The following ZNF469 variants were observed in gnomAD, a reference collection of about 807,000 sequenced individuals.
The protein encoded by ZNF469 is zinc finger protein 469.
A neutral mutation model predicts 1.0 loss-of-function variants in ZNF469; 1 was observed. That is an observed-to-expected ratio of 1.00 (90% CI 0.35 to 4.73). ZNF469 has a LOEUF of 4.73. Among genes scored for constraint, ZNF469 ranks in the 30% most tolerant of loss-of-function variants. The probability of loss-of-function intolerance (pLI) is 0.16; values close to 1 mark genes in which losing one functional copy is unlikely to be tolerated. For missense variants in ZNF469, 6,100 were observed against 5,356.3 expected (o/e 1.14, Z -4.33); for synonymous variants, 2,703 against 2,363.4 (o/e 1.14, Z -4.17).
At chr16:88,171,306 T>C in the ZNF469 span, among the ~76,000 whole-genome samples, 1 of 152,154 alleles carries the variant, frequency 6.6e-6, no homozygotes, top group Non-Finnish European at 1.5e-5. Flanking sequence ...CAGGAGCATG[T>C]TGAGAATTCG....
chr16:88,259,332 T>TA, the ZNF469 span, among the ~76,000 whole-genome samples: 1 of 147,284 alleles, frequency 6.8e-6, no homozygotes, highest in Non-Finnish European at 1.5e-5. The surrounding 1 kb of genome is among the most constrained non-coding windows in gnomAD (Gnocchi z 4.1). Flanking sequence ...CTCAGCCGCA[T>TA]CCCGCGCCCC....
At chr16:88,367,081 A>G in the ZNF469 span, among the ~76,000 whole-genome samples, 5 of 152,182 alleles carry the variant, frequency 3.3e-5, no homozygotes, top group Non-Finnish European at 7.3e-5. Context: ...GGCAAGATCC[A>G]TGTCTTCCCC....
At chr16:88,245,135 G>A in the ZNF469 span, among the ~76,000 whole-genome samples, 1 of 152,256 alleles carries the variant, frequency 6.6e-6, no homozygotes, top group Middle Eastern at 3.4e-3. Flanking sequence ...TATGAGGGAG[G>A]GGAGGAAAGA....
chr16:88,120,125 G>A, the ZNF469 span, among the ~76,000 whole-genome samples: 1 of 152,190 alleles, frequency 6.6e-6, no homozygotes, highest in East Asian at 1.9e-4. Flanking sequence ...CCCGTGGAGG[G>A]GGAGGCATCG....
chr16:88,397,717 A>G (rs973273610), intron 1 of ZNF469, among the ~76,000 whole-genome samples: 5 of 150,918 alleles, frequency 3.3e-5, no homozygotes, highest in African/African-American at 1.2e-4. Flanking sequence ...ACGCGAGGAA[A>G]GAGAGAGAGA....
chr16:88,138,090 G>A, the ZNF469 span, among the ~76,000 whole-genome samples: 4 of 152,188 alleles, frequency 2.6e-5, no homozygotes, highest in Non-Finnish European at 5.9e-5. Flanking sequence ...CAGCAGAACT[G>A]TGGAATCAGA....
At chr16:88,296,506 A>G in the ZNF469 span, among the ~76,000 whole-genome samples, 2 of 149,472 alleles carry the variant, frequency 1.3e-5, no homozygotes. Flanking sequence ...CTCACAGACA[A>G]GCTCACCCTC....
chr16:88,420,131 C>T (rs1309922933), intron 1 of ZNF469, among the ~76,000 whole-genome samples: 1 of 152,232 alleles, frequency 6.6e-6, no homozygotes, highest in Non-Finnish European at 1.5e-5. Context: ...CACACCGGGA[C>T]GAGGGAAGAA....
the ZNF469 span, among the ~76,000 whole-genome samples, chr16:88,227,530 A>ATCTCCCCG: frequency 2.9e-5 from 1 of 34,426 alleles, no homozygotes; most frequent in East Asian, 7.4e-4. Flanking sequence ...CCATCTCCCC[A>ATCTCCCCG]TCTCCCCGTC....
At chr16:88,233,392 G>A in the ZNF469 span, among the ~76,000 whole-genome samples, 1 of 152,244 alleles carries the variant, frequency 6.6e-6, no homozygotes, top group Non-Finnish European at 1.5e-5. Context: ...AAGTCTGGGG[G>A]CCACCTGGGA....
chr16:88,361,490 C>G, the ZNF469 span, among the ~76,000 whole-genome samples: 1 of 152,226 alleles, frequency 6.6e-6, no homozygotes, highest in Non-Finnish European at 1.5e-5. Context: ...GATGTTGACA[C>G]CTTTCCATGT....
intron 1 of ZNF469, among the ~76,000 whole-genome samples, chr16:88,412,867 C>T (rs926526882): frequency 1.3e-5 from 2 of 152,202 alleles, no homozygotes; most frequent in Non-Finnish European, 2.9e-5. Context: ...CACTTTAAAA[C>T]CTGGATTTCT....
the ZNF469 span, among the ~76,000 whole-genome samples, chr16:88,246,469 G>C: frequency 1.3e-5 from 2 of 152,188 alleles, no homozygotes; most frequent in Non-Finnish European, 2.9e-5. Flanking sequence ...AGGACCTGTA[G>C]GCATCAATCA....
At chr16:88,252,339 T>A in the ZNF469 span, among the ~76,000 whole-genome samples, 6 of 150,932 alleles carry the variant, frequency 4.0e-5, no homozygotes, top group African/African-American at 1.5e-4. Context: ...CCTGTATGTA[T>A]ATACTCCACA....
At chr16:88,423,209 AGATGGATGGATGGATAGGTGGGTG>A (rs1567506903) in intron 1 of ZNF469, among the ~76,000 whole-genome samples, 3 of 96,034 alleles carry the variant, frequency 3.1e-5, no homozygotes, top group Non-Finnish European at 6.5e-5. Context: ...ATGGGTGGGT[AGATGGATGGATGGATAGGTGGGTG>A]GATGGATGGA....
chr16:88,266,385 T>C, the ZNF469 span, among the ~76,000 whole-genome samples: 1 of 152,214 alleles, frequency 6.6e-6, no homozygotes, highest in African/African-American at 2.4e-5. Flanking sequence ...GGCCCCAGGC[T>C]CCAGGAGACA....
the ZNF469 span, among the ~76,000 whole-genome samples, chr16:88,370,554 G>A: frequency 1.1e-4 from 16 of 152,268 alleles, no homozygotes; most frequent in East Asian, 2.3e-3. Flanking sequence ...GGTTCCTCTC[G>A]GGGTTAGACG....
chr16:88,219,318 C>G, the ZNF469 span, among the ~76,000 whole-genome samples: 2 of 144,944 alleles, frequency 1.4e-5, no homozygotes, highest in African/African-American at 5.2e-5. Context: ...CAAGTCAATC[C>G]TAAGCCAAAA....
chr16:88,399,369 G>A (rs182235488), intron 1 of ZNF469, among the ~76,000 whole-genome samples: 32 of 152,366 alleles, frequency 2.1e-4, no homozygotes, highest in African/African-American at 6.7e-4. Context: ...ACAATGCAGA[G>A]ACTGGGACCA....
Sources: gnomAD v4.1 joint callset for allele counts (sites outside exome capture counted in the v4.1 genomes callset) on GRCh38, gnomAD v4.1.1 for gene constraint, Gnocchi (gnomAD v3.1) non-coding constraint, MANE v1.5 for transcripts, NCBI Gene and HGNC (gene_info 2026-07-23, HGNC 2026-07-21) for gene names.